The following PBX3 variants were observed in gnomAD, a reference collection of about 807,000 sequenced individuals.
The protein encoded by PBX3 is pre-B-cell leukemia transcription factor 3.
Under a neutral mutation model 48.5 loss-of-function variants are expected in PBX3, and 14 were observed. The ratio of observed to expected loss-of-function variants is 0.29; its 90% CI spans 0.19 to 0.45. PBX3 has a LOEUF of 0.45. PBX3 is among the 20% of genes least tolerant of loss of function. The pLI, the probability that PBX3 is intolerant of heterozygous loss-of-function variation, is 1.00. For synonymous variants in PBX3, 210 were observed against 200.3 expected, an observed-to-expected ratio of 1.05 and a Z score of -0.41; for missense variants, 386 against 546.7, an observed-to-expected ratio of 0.71 and a Z score of 2.93.
intron 2 of PBX3, among the ~76,000 whole-genome samples, chr9:125,779,853 T>C (rs1588137848): frequency 1.0e-5 from 1 of 96,732 alleles, no homozygotes; most frequent in Non-Finnish European, 2.0e-5. Context: ...GAGGCGCCCC[T>C]CACCTCCCGG....
At chr9:125,843,724 C>T (rs767832741) in intron 2 of PBX3, 29 of 436,788 alleles carry the variant, frequency 6.6e-5, no homozygotes, top group African/African-American at 4.9e-4. Context: ...GTAGTCATTT[C>T]GGCCATGGTG....
intron 2 of PBX3, among the ~76,000 whole-genome samples, chr9:125,789,109 C>T (rs1374446720): frequency 2.0e-5 from 3 of 152,166 alleles, no homozygotes; most frequent in Non-Finnish European, 4.4e-5. Context: ...CAAGTTAATT[C>T]ATTTTTCCTG....
chr9:125,831,859 C>T (rs953016487), intron 2 of PBX3, among the ~76,000 whole-genome samples: 1 of 152,142 alleles, frequency 6.6e-6, no homozygotes, highest in African/African-American at 2.4e-5. Flanking sequence ...CCCACCAAAA[C>T]GTGCCAGGCT....
intron 4 of PBX3, among the ~76,000 whole-genome samples, chr9:125,933,687 C>T (rs1470355226): frequency 1.3e-5 from 2 of 152,094 alleles, no homozygotes; most frequent in African/African-American, 4.8e-5. Context: ...AAGGGGGCAG[C>T]TATCACTCAG....
At chr9:125,795,288 C>T (rs972471656) in intron 2 of PBX3, among the ~76,000 whole-genome samples, 8 of 152,232 alleles carry the variant, frequency 5.3e-5, no homozygotes, top group South Asian at 2.1e-4. Context: ...AGGAAGTATC[C>T]GTGCTGTTCT....
At chr9:125,768,166 G>A (rs1161473948) in intron 2 of PBX3, among the ~76,000 whole-genome samples, 2 of 152,036 alleles carry the variant, frequency 1.3e-5, no homozygotes, top group Non-Finnish European at 2.9e-5. Context: ...TAACTGTTTT[G>A]TTATTTCATG....
At chr9:125,813,597 A>C (rs1379762235) in intron 2 of PBX3, among the ~76,000 whole-genome samples, 1 of 152,222 alleles carries the variant, frequency 6.6e-6, no homozygotes, top group Non-Finnish European at 1.5e-5. Flanking sequence ...CTGGCCAATG[A>C]GAGCCCTTCA....
chr9:125,928,528 C>T (rs556959894), intron 3 of PBX3, among the ~76,000 whole-genome samples: 19 of 151,058 alleles, frequency 1.3e-4, no homozygotes, highest in South Asian at 4.2e-4. Flanking sequence ...TGCAGTGGCG[C>T]GATCTCGGCT....
intron 2 of PBX3, among the ~76,000 whole-genome samples, chr9:125,880,233 CAG>C (rs1588253368): frequency 6.6e-6 from 1 of 152,148 alleles, no homozygotes; most frequent in East Asian, 1.9e-4. Context: ...TCAGTAGAGA[CAG>C]GGTTTCACCA....
chr9:125,792,062 G>T (rs553611912), intron 2 of PBX3, among the ~76,000 whole-genome samples: 1 of 150,124 alleles, frequency 6.7e-6, no homozygotes, highest in Non-Finnish European at 1.5e-5. Context: ...ACGCACGCAC[G>T]CACGCACGCA....
intron 2 of PBX3, among the ~76,000 whole-genome samples, chr9:125,771,215 ATTG>A (rs1836933216): frequency 6.6e-6 from 1 of 152,182 alleles, no homozygotes; most frequent in Non-Finnish European, 1.5e-5. Flanking sequence ...ATATCACACT[ATTG>A]TTCAAATGTG....
intron 2 of PBX3, among the ~76,000 whole-genome samples, chr9:125,890,401 A>G (rs1291999273): frequency 6.6e-6 from 1 of 152,246 alleles, no homozygotes; most frequent in Non-Finnish European, 1.5e-5. Flanking sequence ...AGGGAATTCC[A>G]CAGGGAATTT....
At chr9:125,937,842 G>C (rs1841872845) in intron 5 of PBX3, among the ~76,000 whole-genome samples, 1 of 152,004 alleles carries the variant, frequency 6.6e-6, no homozygotes, top group Non-Finnish European at 1.5e-5. Flanking sequence ...TAAATTTTTT[G>C]TACAGACAGG....
chr9:125,933,191 G>C (rs1482091451), intron 4 of PBX3, among the ~76,000 whole-genome samples: 2 of 152,228 alleles, frequency 1.3e-5, no homozygotes, highest in Non-Finnish European at 2.9e-5. Context: ...AAGGCAAGGG[G>C]CTCTGCTCTA....
At chr9:125,806,296 G>T (rs1838122937) in intron 2 of PBX3, among the ~76,000 whole-genome samples, 1 of 152,194 alleles carries the variant, frequency 6.6e-6, no homozygotes, top group South Asian at 2.1e-4. Context: ...CAGAGGGAGG[G>T]AGGGAGAGTA....
intron 2 of PBX3, among the ~76,000 whole-genome samples, chr9:125,882,894 G>A (rs180768859): frequency 1.3e-3 from 196 of 152,324 alleles, no homozygotes; most frequent in South Asian, 2.5e-3. Context: ...ACTCTGAAAT[G>A]ATGTATTTGA....
At chr9:125,762,978 A>G (rs946086850) in intron 2 of PBX3, among the ~76,000 whole-genome samples, 11 of 152,220 alleles carry the variant, frequency 7.2e-5, no homozygotes, top group Non-Finnish European at 1.5e-5. Context: ...AGACTTGGAA[A>G]GAAAGCAAAT....
intron 2 of PBX3, among the ~76,000 whole-genome samples, chr9:125,802,886 T>C (rs2132101019): frequency 6.6e-6 from 1 of 151,518 alleles, no homozygotes. Flanking sequence ...CCCATATCGG[T>C]CAAACTGGTC....
At chr9:125,820,831 A>G (rs1458349958) in intron 2 of PBX3, among the ~76,000 whole-genome samples, 1 of 152,186 alleles carries the variant, frequency 6.6e-6, no homozygotes, top group Non-Finnish European at 1.5e-5. Flanking sequence ...TTGTATTTGT[A>G]GTGTGGCCTT....
Sources: allele counts gnomAD v4.1 joint callset (sites outside exome capture counted in the v4.1 genomes callset), GRCh38; gene constraint gnomAD v4.1.1; transcripts MANE v1.5; gene names NCBI Gene and HGNC (gene_info 2026-07-23, HGNC 2026-07-21).